Variants in PCDHGB2 observed in about 807,000 individuals in gnomAD.
PCDHGB2 encodes protocadherin gamma-B2.
PCDHGB2 carries 55 observed loss-of-function variants against 59.3 expected under a neutral mutation model. That is an observed-to-expected ratio of 0.93 (90% CI 0.75 to 1.16). The LOEUF (loss-of-function observed/expected upper bound fraction) is 1.16, where lower values mean the gene tolerates loss of function less well. Ranked by LOEUF, PCDHGB2 falls within the 50% of genes most tolerant of loss-of-function variation. PCDHGB2 has a pLI of 0.00. For synonymous variants in PCDHGB2, 516 were observed against 512.0 expected (o/e 1.01, Z -0.11); for missense variants, 1,228 against 1,198.5 (o/e 1.02, Z -0.36).
intron 2 of PCDHGB2, among the ~76,000 whole-genome samples, chr5:141,500,189 TTTATTTA>T (rs1562193869): frequency 4.5e-5 from 5 of 110,894 alleles, no homozygotes; most frequent in African/African-American, 1.8e-4. Context: ...TTTATTTTTA[TTTATTTA>T]TTTATTTATT....
chr5:141,409,571 T>TACGTGGTCC (rs2095286242), intron 1 of PCDHGB2: 2 of 1,613,932 alleles, frequency 1.2e-6, no homozygotes, highest in East Asian at 4.5e-5. Context: ...CCAGACGTCC[T>TACGTGGTCC]ACGTGGTCCA....
chr5:141,370,011 A>G (rs1234949612), intron 1 of PCDHGB2, among the ~76,000 whole-genome samples: 2 of 152,266 alleles, frequency 1.3e-5, no homozygotes, highest in African/African-American at 4.8e-5. Flanking sequence ...TAAAAGAAAT[A>G]ACAGACTAAA....
intron 1 of PCDHGB2, chr5:141,478,282 G>A: frequency 6.2e-7 from 1 of 1,614,184 alleles, no homozygotes; most frequent in Non-Finnish European, 8.5e-7. Flanking sequence ...AGTGGAAGCA[G>A]TCTAGAGACC....
At chr5:141,375,316 C>T (rs1308700957) in intron 1 of PCDHGB2, 4 of 1,613,660 alleles carry the variant, frequency 2.5e-6, no homozygotes, top group South Asian at 2.2e-5. Flanking sequence ...CAGCTCTAGA[C>T]CGGGAAGAGG....
At chr5:141,469,306 A>G in intron 1 of PCDHGB2, among the ~76,000 whole-genome samples, 1 of 150,500 alleles carries the variant, frequency 6.6e-6, no homozygotes, top group South Asian at 2.1e-4. Flanking sequence ...ACTGGGCACG[A>G]TGGCTCACGC....
chr5:141,503,209 C>T (rs963237902), intron 2 of PCDHGB2, among the ~76,000 whole-genome samples: 3 of 152,020 alleles, frequency 2.0e-5, no homozygotes, highest in African/African-American at 7.3e-5. Context: ...TCTCAGTGCC[C>T]ACCATGAGCA....
rs1242637725 is a variant in PCDHGB2 at position 141,432,619 on chromosome 5, T to G, written c.2422-62188T>G. 3.1e-6 allele frequency: 5 copies of G among 1,612,618 alleles called. No homozygotes were observed. The highest frequency in any genetic ancestry group is 1.7e-5 in the Admixed American group (1 of 59,934). On this transcript the variant is annotated intron_variant, in intron 1 of 3. Transcript: ENST00000522605. This position sits in a 1 kb window ranked among gnomAD's most constrained non-coding sequence, Gnocchi z 6.0. ...GCGAGCCGGGACTCTTCTCGGTGGG[T>G]CTGCACACGGGCGAGGTGCGCACGG... is the stretch of plus-strand genomic sequence containing the variant.
chr5:141,415,515 G>A (rs752258863), intron 1 of PCDHGB2: 5 of 1,614,152 alleles, frequency 3.1e-6, no homozygotes, highest in South Asian at 1.1e-5. Flanking sequence ...CCAATTATGC[G>A]GACACGCTCA....
intron 1 of PCDHGB2, chr5:141,415,661 T>C: frequency 6.3e-7 from 1 of 1,582,308 alleles, no homozygotes; most frequent in East Asian, 2.3e-5. Flanking sequence ...AAGATTGGTT[T>C]TTACTTTGAA....
chr5:141,433,286 T>C (rs2097581877), intron 1 of PCDHGB2: 2 of 1,143,608 alleles, frequency 1.7e-6, no homozygotes, highest in African/African-American at 1.6e-5. Flanking sequence ...CTCAAACTCC[T>C]AGGCTCAAGC....
intron 1 of PCDHGB2, chr5:141,383,938 G>A: frequency 6.2e-7 from 1 of 1,613,866 alleles, no homozygotes; most frequent in Non-Finnish European, 8.5e-7. Context: ...TGCTCCAGAA[G>A]TGACTATGAC....
chr5:141,490,998 C>T lies in PCDHGB2; in HGVS notation c.2422-3809C>T, dbSNP rs1284919124. 5 of 1,614,014 alleles carry T rather than the reference C, an allele frequency of 3.1e-6. No homozygotes were observed. The highest frequency in any genetic ancestry group is 1.7e-5 in the Admixed American group (1 of 60,016). On this transcript the variant is annotated intron_variant, in intron 1 of 3. Coordinates refer to ENST00000522605, the MANE Select transcript of PCDHGB2 (RefSeq NM_018923.3). The surrounding 1 kb of genome is among the most constrained non-coding windows in gnomAD (Gnocchi z 5.4). Reference sequence around the variant, plus strand: ...GTCTCCCTCGCTCTGCTCCTCCTGGCTCCTTGGTCACCAAGGTGACAGCCG... The same window carrying T: ...GTCTCCCTCGCTCTGCTCCTCCTGGTTCCTTGGTCACCAAGGTGACAGCCG...
At position 141,413,202 on chromosome 5, in the gene PCDHGB2, GGAATC is replaced by G. The variant is rs766359797; in HGVS notation, c.2421+50647_2421+50651del. 6.8e-6 allele frequency: 11 copies of G among 1,611,944 alleles called. No homozygotes were observed. The East Asian group carries it at 2.2e-4, about 33-fold the overall frequency. On this transcript the variant is annotated intron_variant, in intron 1 of 3. Coordinates refer to ENST00000522605, the MANE Select transcript of PCDHGB2 (RefSeq NM_018923.3). ...TGGCCGCTCAAAGGAATCGCTCAAAGGAATCAAAGGATTGCAGCGGGCTGGTCCTG... is the reference window on the plus strand; with the variant it reads ...TGGCCGCTCAAAGGAATCGCTCAAAGAAAGGATTGCAGCGGGCTGGTCCTG...
chr5:141,403,863 C>CA (rs1449407003), intron 1 of PCDHGB2: 1 of 1,613,374 alleles, frequency 6.2e-7, no homozygotes, highest in Non-Finnish European at 8.5e-7. Flanking sequence ...ATATCAACAG[C>CA]AAAAAGTCTA....
chr5:141,375,231 C>A, intron 1 of PCDHGB2: 1 of 1,613,964 alleles, frequency 6.2e-7, no homozygotes. Context: ...GGCCTGGTAA[C>A]CTGTTCCATC....
At chr5:141,372,558 G>A in intron 1 of PCDHGB2, 1 of 1,614,002 alleles carries the variant, frequency 6.2e-7, no homozygotes, top group Non-Finnish European at 8.5e-7. Flanking sequence ...CTCCAGACCC[G>A]CCACTGAGGG....
In PCDHGB2 at chr5:141,381,098, G is replaced by A. The variant is rs114784627; in HGVS notation, c.2421+18542G>A. Reference sequence around the variant, plus strand: ...TTATTTTGATAGATCAAAACAGAATGTCCTTCAAAGTGTTCCCTGTATTCT... The same window carrying A: ...TTATTTTGATAGATCAAAACAGAATATCCTTCAAAGTGTTCCCTGTATTCT... On this transcript the variant is annotated intron_variant, in intron 1 of 3. Transcript: ENST00000522605. 2.4e-3 allele frequency among the ~76,000 whole-genome samples: 370 copies of A among 152,320 alleles called. 4 individuals carry two copies. Among genetic ancestry groups the A allele is most frequent in the African/African-American group, 8.6e-3 (357 of 41,576 alleles).
intron 1 of PCDHGB2, chr5:141,399,855 C>A (rs773247537): frequency 2.5e-6 from 4 of 1,612,892 alleles, no homozygotes; most frequent in Non-Finnish European, 2.5e-6. Context: ...TGGTGCCGCG[C>A]GCTGCAGAGC....
chr5:141,420,246 T>C (rs1216078492), intron 1 of PCDHGB2: 3 of 1,583,234 alleles, frequency 1.9e-6, no homozygotes, highest in African/African-American at 2.7e-5. Context: ...ACTCCCAGCG[T>C]TGAAGCAGAT....
Sources: allele counts gnomAD v4.1 joint callset (sites outside exome capture counted in the v4.1 genomes callset), GRCh38; gene constraint gnomAD v4.1.1; non-coding constraint Gnocchi (gnomAD v3.1); transcripts MANE v1.5; gene names NCBI Gene and HGNC (gene_info 2026-07-23, HGNC 2026-07-21).